RB1: variants seen among roughly 807,000 people sequenced by gnomAD.
RB1 encodes RB transcriptional corepressor 1, also known as retinoblastoma-associated protein.
Under a neutral mutation model 135.4 loss-of-function variants are expected in RB1, and 18 were observed. The ratio of observed to expected loss-of-function variants is 0.13; its 90% CI spans 0.09 to 0.20. The LOEUF is 0.20. Among genes scored for constraint, RB1 ranks in the 10% least tolerant of loss-of-function variants. The pLI, the probability that RB1 is intolerant of heterozygous loss-of-function variation, is 1.00. For missense variants in RB1, 868 were observed against 1,110.0 expected (o/e 0.78, Z 3.10); for synonymous variants, 365 against 373.2 (o/e 0.98, Z 0.25).
chr13:48,366,092 T>C (rs576798274), intron 9 of RB1, among the ~76,000 whole-genome samples: 2 of 152,214 alleles, frequency 1.3e-5, no homozygotes, highest in Non-Finnish European at 2.9e-5. Flanking sequence ...AGTAATTCAT[T>C]AAGGTTGGGA....
chr13:48,339,100 A>G (rs1033303419), intron 2 of RB1, among the ~76,000 whole-genome samples: 44 of 152,280 alleles, frequency 2.9e-4, no homozygotes, highest in African/African-American at 1.0e-3. Flanking sequence ...TGTGCCTCCC[A>G]GTTAGGCTAC....
intron 2 of RB1, among the ~76,000 whole-genome samples, chr13:48,335,338 A>C (rs981465381): frequency 6.6e-6 from 1 of 152,054 alleles, no homozygotes; most frequent in African/African-American, 2.4e-5. Context: ...TAACTTTTCA[A>C]ACATCTATTA....
At chr13:48,366,552 T>A (rs370272875) in intron 9 of RB1, among the ~76,000 whole-genome samples, 5 of 152,362 alleles carry the variant, frequency 3.3e-5, no homozygotes, top group East Asian at 1.9e-4. Flanking sequence ...TAGTTTTCTC[T>A]TGGGCATTGG....
chr13:48,336,369 T>C (rs1246489066), intron 2 of RB1, among the ~76,000 whole-genome samples: 3 of 152,220 alleles, frequency 2.0e-5, no homozygotes, highest in Non-Finnish European at 2.9e-5. Context: ...CAGAACGTGT[T>C]ATTGGTCTAT....
chr13:48,448,287 C>A (rs572731849), intron 17 of RB1, among the ~76,000 whole-genome samples: 148 of 152,082 alleles, frequency 9.7e-4, no homozygotes, highest in Non-Finnish European at 9.4e-4. Flanking sequence ...GATGACTTGT[C>A]AACAAAAATT....
At chr13:48,367,956 A>G (rs1476753241) in intron 10 of RB1, among the ~76,000 whole-genome samples, 6 of 152,166 alleles carry the variant, frequency 3.9e-5, no homozygotes, top group Admixed American at 3.9e-4. Flanking sequence ...GTTTATTTAA[A>G]AAAGTTTATA....
At chr13:48,431,817 A>G (rs910853844) in intron 17 of RB1, among the ~76,000 whole-genome samples, 20 of 152,200 alleles carry the variant, frequency 1.3e-4, no homozygotes, top group African/African-American at 4.6e-4. Flanking sequence ...GGCCATATAA[A>G]TAGGAAATTA....
At chr13:48,477,323 CAT>C (rs746973542) in intron 25 of RB1, 30 bp from the exon 26 acceptor site, 2 of 1,537,686 alleles carry the variant, frequency 1.3e-6, no homozygotes, top group African/African-American at 2.7e-5. Flanking sequence ...TATAAATACA[CAT>C]GAAATGTTTT....
At chr13:48,330,981 C>T (rs890600121) in intron 2 of RB1, among the ~76,000 whole-genome samples, 3 of 152,096 alleles carry the variant, frequency 2.0e-5, no homozygotes, top group African/African-American at 7.2e-5. Context: ...AAGGATGGTT[C>T]AACATATGCA....
At chr13:48,457,586 C>T (rs1949368641) in intron 19 of RB1, among the ~76,000 whole-genome samples, 1 of 152,212 alleles carries the variant, frequency 6.6e-6, no homozygotes, top group South Asian at 2.1e-4. Flanking sequence ...AGGGACTCAT[C>T]CTCTACTGCT....
chr13:48,392,370 C>G (rs1948617514), intron 17 of RB1, among the ~76,000 whole-genome samples: 1 of 152,196 alleles, frequency 6.6e-6, no homozygotes, highest in Non-Finnish European at 1.5e-5. Context: ...CTTGGCTTCC[C>G]AAAGTGCTGG....
intron 26 of RB1, 66 bp downstream of exon 26, chr13:48,477,470 G>A (rs890742046): frequency 3.6e-5 from 47 of 1,289,238 alleles, no homozygotes; most frequent in Non-Finnish European, 4.8e-5. Flanking sequence ...AAGTCTTTTC[G>A]TTATATAAAA....
At chr13:48,380,428 G>A (rs1288601292) in intron 16 of RB1, among the ~76,000 whole-genome samples, 187 bp downstream of exon 16, 1 of 152,030 alleles carries the variant, frequency 6.6e-6, no homozygotes, top group Non-Finnish European at 1.5e-5. Context: ...AGTTATTTGA[G>A]GCCATCTTGG....
intron 2 of RB1, among the ~76,000 whole-genome samples, chr13:48,329,112 A>G (rs1952312570): frequency 1.3e-5 from 2 of 152,196 alleles, no homozygotes. Context: ...TATGAGACCT[A>G]GATATTTAGC....
At position 48,394,670 on chromosome 13, in the gene RB1, C is replaced by T. The variant is rs116427078; in HGVS notation, c.1695+13227C>T. Among the ~76,000 whole-genome samples, 992 of 152,336 alleles carry T rather than the reference C, an allele frequency of 6.5e-3. 15 individuals are homozygous for T. The highest frequency in any genetic ancestry group is 0.023 in the African/African-American group (945 of 41,576). ...CAGAGCCTACCACAGCTCCCTAAAT[C>T]CGCTGTAGCCAGACTGCCTTTCTAG... is the stretch of plus-strand genomic sequence containing the variant. On this transcript the variant is annotated intron_variant, in intron 17 of 26. Coordinates refer to ENST00000267163, the MANE Select transcript of RB1 (RefSeq NM_000321.3).
At chr13:48,385,122 C>CT (rs1948562728) in intron 17 of RB1, among the ~76,000 whole-genome samples, 1 of 152,114 alleles carries the variant, frequency 6.6e-6, no homozygotes, top group Non-Finnish European at 1.5e-5. Flanking sequence ...ATGTCAGATG[C>CT]TTTATTCCCT....
At chr13:48,344,396 T>TG (rs979783419) in intron 3 of RB1, among the ~76,000 whole-genome samples, 7 of 151,936 alleles carry the variant, frequency 4.6e-5, no homozygotes, top group African/African-American at 1.7e-4. Context: ...ATCCTTTGTG[T>TG]GGGGGCAACC....
At chr13:48,462,809 G>T (rs1949414224) in intron 20 of RB1, among the ~76,000 whole-genome samples, 1 of 152,110 alleles carries the variant, frequency 6.6e-6, no homozygotes, top group Admixed American at 6.5e-5. Flanking sequence ...TTTGTTTGTG[G>T]ATAACTAGTT....
At chr13:48,368,640 T>G in intron 11 of RB1, 36 bp downstream of exon 11, 1 of 1,597,452 alleles carries the variant, frequency 6.3e-7, no homozygotes, top group East Asian at 2.3e-5. Context: ...TATTATAATT[T>G]TGTTATTCAT....
Sources: gnomAD v4.1 joint callset for allele counts (sites outside exome capture counted in the v4.1 genomes callset) on GRCh38, gnomAD v4.1.1 for gene constraint, MANE v1.5 for transcripts, NCBI Gene and HGNC (gene_info 2026-07-23, HGNC 2026-07-21) for gene names.